DLG1: variants seen among roughly 807,000 people sequenced by gnomAD.
DLG1 encodes the protein discs large MAGUK scaffold protein 1.
In DLG1, 42 loss-of-function variants were observed where a neutral mutation model predicts 123.4. That is an observed-to-expected ratio of 0.34 (90% CI 0.27 to 0.44). The LOEUF is 0.44. DLG1 is among the 20% of genes least tolerant of loss of function. The pLI, the probability that DLG1 is intolerant of heterozygous loss-of-function variation, is 1.00. For synonymous variants in DLG1, 317 were observed against 356.2 expected (o/e 0.89, Z 1.24); for missense variants, 942 against 1,082.6 (o/e 0.87, Z 1.82).
At chr3:197,261,504 T>G (rs1410894453) in intron 4 of DLG1, among the ~76,000 whole-genome samples, 1 of 152,210 alleles carries the variant, frequency 6.6e-6, no homozygotes, top group South Asian at 2.1e-4. Context: ...AGGAAGAGTA[T>G]TATCTGCAAT....
chr3:197,085,486 C>T, intron 16 of DLG1, 94 bp downstream of exon 16: 1 of 1,271,716 alleles, frequency 7.9e-7, no homozygotes, highest in Non-Finnish European at 1.1e-6. Context: ...TAATGCACTC[C>T]AGGTCCATCC....
intron 15 of DLG1, among the ~76,000 whole-genome samples, chr3:197,086,170 G>A (rs1316433878): frequency 2.0e-5 from 3 of 152,092 alleles, no homozygotes; most frequent in African/African-American, 7.2e-5. Context: ...GTTGTGGACT[G>A]TACGACTAGA....
intron 11 of DLG1, among the ~76,000 whole-genome samples, chr3:197,126,169 A>C (rs1405346525): frequency 2.0e-5 from 3 of 152,162 alleles, no homozygotes; most frequent in African/African-American, 7.2e-5. Context: ...GTTCAATAAC[A>C]GATGGGGGAA....
intron 6 of DLG1, among the ~76,000 whole-genome samples, chr3:197,148,639 T>A (rs1792342404): frequency 6.6e-6 from 1 of 152,180 alleles, no homozygotes; most frequent in African/African-American, 2.4e-5. Flanking sequence ...AAGAATGAAG[T>A]TGGACCTCTA....
At chr3:197,225,290 A>G (rs1470175000) in intron 4 of DLG1, among the ~76,000 whole-genome samples, 3 of 152,230 alleles carry the variant, frequency 2.0e-5, no homozygotes, top group African/African-American at 7.2e-5. Context: ...TATAAGAATA[A>G]CCATCTTTAA....
intron 5 of DLG1, chr3:197,184,003 C>T: frequency 7.2e-7 from 1 of 1,383,888 alleles, no homozygotes; most frequent in Non-Finnish European, 9.3e-7. Flanking sequence ...TCCCTCTGTA[C>T]CTGTTAGCTG....
chr3:197,242,921 C>T (rs565721482), intron 4 of DLG1, among the ~76,000 whole-genome samples: 1 of 152,066 alleles, frequency 6.6e-6, no homozygotes, highest in South Asian at 2.1e-4. Context: ...TCTGGACATG[C>T]CTGTAGTCCC....
intron 3 of DLG1, among the ~76,000 whole-genome samples, chr3:197,293,024 C>A (rs746437197): frequency 6.6e-6 from 1 of 152,260 alleles, no homozygotes; most frequent in Middle Eastern, 3.4e-3. Context: ...CCACTATGGA[C>A]CTGAATACCT....
intron 11 of DLG1, among the ~76,000 whole-genome samples, chr3:197,126,478 A>C (rs916785514): frequency 6.6e-6 from 1 of 152,026 alleles, no homozygotes; most frequent in South Asian, 2.1e-4. Context: ...AAAAAAAAAA[A>C]ACAACATAAT....
At chr3:197,077,851 A>AT (rs1368737131) in intron 17 of DLG1, among the ~76,000 whole-genome samples, 1 of 152,200 alleles carries the variant, frequency 6.6e-6, no homozygotes, top group South Asian at 2.1e-4. Context: ...AAGAATTATT[A>AT]TTTTTTGGAG....
At chr3:197,100,302 T>C (rs1762776614) in intron 14 of DLG1, among the ~76,000 whole-genome samples, 2 of 152,292 alleles carry the variant, frequency 1.3e-5, no homozygotes, top group South Asian at 4.1e-4. Context: ...AAATCTACCT[T>C]TGTAACTCAA....
At chr3:197,148,634 T>C (rs531905734) in intron 6 of DLG1, among the ~76,000 whole-genome samples, 6 of 152,180 alleles carry the variant, frequency 3.9e-5, no homozygotes, top group African/African-American at 1.2e-4. Flanking sequence ...TACAAAAGAA[T>C]GAAGTTGGAC....
intron 10 of DLG1, 34 bp downstream of exon 10, chr3:197,136,508 A>G (rs763251201): frequency 6.4e-7 from 1 of 1,568,970 alleles, no homozygotes; most frequent in Non-Finnish European, 8.7e-7. Context: ...AGACTACAAA[A>G]TGATTTAAAA....
At chr3:197,241,003 A>G (rs1432870707) in intron 4 of DLG1, among the ~76,000 whole-genome samples, 4 of 152,186 alleles carry the variant, frequency 2.6e-5, no homozygotes, top group African/African-American at 7.2e-5. Context: ...AAGAAATAAT[A>G]GAAAACTTTC....
At chr3:197,066,853 G>T in intron 19 of DLG1, 99 bp from the exon 20 acceptor site, 1 of 731,068 alleles carries the variant, frequency 1.4e-6, no homozygotes, top group Non-Finnish European at 2.2e-6. Flanking sequence ...ACTTTCCTGA[G>T]AAAATGGCAA....
chr3:197,046,168 C>T (rs552424089), intron 24 of DLG1, among the ~76,000 whole-genome samples: 1 of 152,288 alleles, frequency 6.6e-6, no homozygotes, highest in South Asian at 2.1e-4. Flanking sequence ...CCCAACAGCA[C>T]AGGACAGAAT....
intron 17 of DLG1, among the ~76,000 whole-genome samples, chr3:197,080,267 C>CTTTTTTTTTTTTTTTTTTTTTT (rs767056279): frequency 1.9e-5 from 1 of 51,870 alleles, no homozygotes; most frequent in African/African-American, 8.4e-5. Context: ...GATATATTTC[C>CTTTTTTTTTTTTTTTTTTTTTT]TTTTTTTTTT....
intron 22 of DLG1, among the ~76,000 whole-genome samples, chr3:197,063,488 T>C (rs1737271283): frequency 6.6e-6 from 1 of 152,156 alleles, no homozygotes; most frequent in African/African-American, 2.4e-5. Flanking sequence ...TGAGCAGAGA[T>C]TTGTATTTTC....
At chr3:197,252,319 A>T (rs568176793) in intron 4 of DLG1, among the ~76,000 whole-genome samples, 2 of 152,316 alleles carry the variant, frequency 1.3e-5, no homozygotes, top group South Asian at 4.1e-4. Flanking sequence ...CACAATAGCT[A>T]AAATATGGAA....
Sources: allele counts gnomAD v4.1 joint callset (sites outside exome capture counted in the v4.1 genomes callset), GRCh38; gene constraint gnomAD v4.1.1; transcripts MANE v1.5; gene names NCBI Gene and HGNC (gene_info 2026-07-23, HGNC 2026-07-21).